Variants in GCLM observed in about 807,000 individuals in gnomAD.
The protein encoded by GCLM is glutamate--cysteine ligase regulatory subunit.
GCLM carries 15 observed loss-of-function variants against 36.0 expected under a neutral mutation model. The ratio of observed to expected loss-of-function variants is 0.42; its 90% CI spans 0.28 to 0.64. The LOEUF (loss-of-function observed/expected upper bound fraction) is 0.64. GCLM is among the 30% of genes least tolerant of loss of function. The probability of loss-of-function intolerance (pLI) is 0.25; values close to 1 mark genes in which losing one functional copy is unlikely to be tolerated. For synonymous variants in GCLM, 129 were observed against 122.8 expected (o/e 1.05, Z -0.34); for missense variants, 242 against 325.5 (o/e 0.74, Z 1.97).
chr1:93,906,995 A>G (rs1657166288), intron 1 of GCLM, among the ~76,000 whole-genome samples: 1 of 152,238 alleles, frequency 6.6e-6, no homozygotes, highest in African/African-American at 2.4e-5. Context: ...TTAAAAAATT[A>G]GAACTAGAAG....
At position 93,909,293 on chromosome 1, in the gene GCLM, G is replaced by A; in HGVS notation, c.-130C>T. ...GAGGGAGCGCGAGGCTGCCGGCGCC[G>A]CGCGGCTGGAGCCTGGTCTGCGCTC... On this transcript the variant is annotated 5_prime_UTR_variant, in exon 1 of 7. Transcript: ENST00000370238. The A allele has an allele frequency of 9.5e-7, 1 of 1,048,588 alleles. No individual in the cohort carries two copies. The highest frequency in any genetic ancestry group is 1.1e-6 in the Non-Finnish European group (1 of 872,464). The allele number at this position is 1,048,588 out of a possible 1,614,324, so 65.0% of individuals were successfully genotyped here. A position where few individuals can be genotyped will look rare whatever the true frequency, so the allele number is the denominator to read the frequency against.
At chr1:93,903,303 T>A (rs1205404341) in intron 2 of GCLM, among the ~76,000 whole-genome samples, 1 of 151,338 alleles carries the variant, frequency 6.6e-6, no homozygotes, top group Non-Finnish European at 1.5e-5. Flanking sequence ...TATTTATTTA[T>A]TTAATTTTAT....
rs1261508063 is a variant in GCLM at position 93,886,120 on chromosome 1, A to G, written c.*2870T>C. 6.6e-6 allele frequency: 1 copy of G among 152,160 alleles called. No individual in the cohort carries two copies. Among genetic ancestry groups the G allele is most frequent in the African/African-American group, 2.4e-5 (1 of 41,448 alleles). 9.4% of individuals were successfully genotyped at this position (152,160 alleles called of 1,614,324 possible). On this transcript the variant is annotated 3_prime_UTR_variant, in exon 7 of 7. Transcript: ENST00000370238. ...ACAGTTTCATGGATGGGAATTCAAG[A>G]TAGACTCATAACAGAACAAATTCCA... is the stretch of plus-strand genomic sequence containing the variant.
rs918301580 is a variant in GCLM, at chr1:93,901,519, CTAA to C, written c.277+63_277+65del. 4.9e-5 allele frequency: 42 copies of C among 851,454 alleles called. No individual in the cohort carries two copies. In the African/African-American group the frequency reaches 6.1e-4, roughly 12 times the overall value. 52.7% of individuals were successfully genotyped at this position (851,454 alleles called of 1,614,324 possible). ...GTGTCTGAGCAAAGAAAGGCTTATT[CTAA>C]TGCCTAACAAAATCTATCGCTTCCG... On this transcript the variant is annotated intron_variant, in intron 3 of 6. Transcript: ENST00000370238.
At chr1:93,892,984 G>C (rs910160014) in intron 6 of GCLM, among the ~76,000 whole-genome samples, 3 of 152,094 alleles carry the variant, frequency 2.0e-5, no homozygotes, top group African/African-American at 4.8e-5. Flanking sequence ...ATAACAATTT[G>C]TTAGATTTTC....
Position 93,885,362 on chromosome 1 carries a change from T to C in GCLM, c.*3628A>G, listed in dbSNP as rs1432740307. On this transcript the variant is annotated 3_prime_UTR_variant, in exon 7 of 7. Transcript: ENST00000370238. ...ATTTTAGTTAAATTCATAATGTAGG[T>C]AATATTAAAAATTATTATAAACATT... 6.6e-6 allele frequency: 1 copy of C among 152,162 alleles called. No individual in the cohort carries two copies. The highest frequency in any genetic ancestry group is 2.4e-5 in the African/African-American group (1 of 41,422). The allele number at this position is 152,162 out of a possible 1,614,324, so 9.4% of individuals were successfully genotyped here.
intron 6 of GCLM, among the ~76,000 whole-genome samples, chr1:93,893,263 CA>C (rs775253759): frequency 1.1e-4 from 16 of 151,636 alleles, no homozygotes; most frequent in Non-Finnish European, 1.8e-4. Context: ...TATTTCCTGA[CA>C]AAAAAAATGT....
chr1:93,897,510 T>G (rs1357246377), intron 4 of GCLM, among the ~76,000 whole-genome samples: 1 of 150,744 alleles, frequency 6.6e-6, no homozygotes, highest in African/African-American at 2.5e-5. Context: ...ACTTGGATTT[T>G]TTTTGGATTT....
intron 2 of GCLM, 198 bp downstream of exon 2, chr1:93,904,325 T>G: frequency 1.8e-6 from 1 of 559,892 alleles, no homozygotes. Flanking sequence ...CTTGTCTGGT[T>G]AAAGAGTTGC....
chr1:93,905,617 T>G (rs1657121040), intron 1 of GCLM, among the ~76,000 whole-genome samples: 1 of 152,176 alleles, frequency 6.6e-6, no homozygotes, highest in South Asian at 2.1e-4. Context: ...AAAAAAAAAT[T>G]TATACAAATA....
chr1:93,905,931 T>C (rs2100928472), intron 1 of GCLM, among the ~76,000 whole-genome samples: 1 of 152,282 alleles, frequency 6.6e-6, no homozygotes, highest in South Asian at 2.1e-4. Flanking sequence ...GGACACAGTG[T>C]TTTGCATTCT....
intron 3 of GCLM, among the ~76,000 whole-genome samples, chr1:93,899,078 G>A (rs945132589): frequency 4.0e-5 from 6 of 151,256 alleles, no homozygotes; most frequent in Non-Finnish European, 8.8e-5. Flanking sequence ...TATGTTTTTA[G>A]TGTATAATTT....
intron 6 of GCLM, among the ~76,000 whole-genome samples, chr1:93,892,225 G>A (rs1265216048): frequency 6.6e-6 from 1 of 152,026 alleles, no homozygotes; most frequent in Non-Finnish European, 1.5e-5. Flanking sequence ...TAGAACAAAG[G>A]GTAATGGAAA....
intron 3 of GCLM, among the ~76,000 whole-genome samples, chr1:93,898,729 T>C (rs1205727148): frequency 6.6e-6 from 1 of 151,984 alleles, no homozygotes; most frequent in East Asian, 1.9e-4. Context: ...AGCTCAAGTG[T>C]TCCTTTCACC....
At chr1:93,905,737 TATAC>T (rs1657125923) in intron 1 of GCLM, among the ~76,000 whole-genome samples, 1 of 152,228 alleles carries the variant, frequency 6.6e-6, no homozygotes. Flanking sequence ...CAAAGACCTA[TATAC>T]ATATAATGGA....
At position 93,887,817 on chromosome 1, in the gene GCLM, C is replaced by A. The variant is rs757263739; in HGVS notation, c.*1173G>T. On this transcript the variant is annotated 3_prime_UTR_variant, in exon 7 of 7. Transcript: ENST00000370238. ...GTTTTCAAACTATTCAGGTTACAGACACAAATTTATAGAATTAAGGAGATT... is the reference window on the plus strand; with the variant it reads ...GTTTTCAAACTATTCAGGTTACAGAAACAAATTTATAGAATTAAGGAGATT... 1 of 152,082 alleles carries A rather than the reference C, an allele frequency of 6.6e-6. No homozygotes were observed. The highest frequency in any genetic ancestry group is 1.5e-5 in the Non-Finnish European group (1 of 68,032). 9.4% of individuals were successfully genotyped at this position (152,082 alleles called of 1,614,324 possible). A position where few individuals can be genotyped will look rare whatever the true frequency, so the allele number is the denominator to read the frequency against.
At chr1:93,907,883 G>A (rs1657202862) in intron 1 of GCLM, among the ~76,000 whole-genome samples, 1 of 152,204 alleles carries the variant, frequency 6.6e-6, no homozygotes, top group Admixed American at 6.5e-5. Flanking sequence ...GATGCCGTGT[G>A]CTGCTGCATG....
intron 3 of GCLM, among the ~76,000 whole-genome samples, chr1:93,899,070 T>C (rs1656852129): frequency 6.6e-6 from 1 of 151,790 alleles, no homozygotes; most frequent in African/African-American, 2.4e-5. Flanking sequence ...ACGTATTCTA[T>C]GTTTTTAGTG....
intron 2 of GCLM, 90 bp downstream of exon 2, chr1:93,904,433 G>T: frequency 1.2e-6 from 1 of 835,128 alleles, no homozygotes; most frequent in Non-Finnish European, 2.1e-6. Context: ...TTGCCTATTT[G>T]ACTTCCCTCA....
Sources: gnomAD v4.1 joint callset for allele counts (sites outside exome capture counted in the v4.1 genomes callset) on GRCh38, gnomAD v4.1.1 for gene constraint, MANE v1.5 for transcripts, NCBI Gene and HGNC (gene_info 2026-07-23, HGNC 2026-07-21) for gene names.